The following MBP variants were observed in gnomAD, a reference collection of about 807,000 sequenced individuals.
MBP encodes the protein Golli-MBP.
Under a neutral mutation model 35.8 loss-of-function variants are expected in MBP, and 16 were observed. The observed-to-expected ratio is 0.45, with a 90% confidence interval of 0.30 to 0.68. The LOEUF (loss-of-function observed/expected upper bound fraction) is 0.68, where lower values mean the gene tolerates loss of function less well. Ranked by LOEUF, MBP falls within the 30% of genes least tolerant of loss-of-function variation. The pLI, the probability that MBP is intolerant of heterozygous loss-of-function variation, is 0.08. For missense variants in MBP, 380 were observed against 404.7 expected (o/e 0.94, Z 0.52); for synonymous variants, 143 against 159.6 (o/e 0.90, Z 0.78).
intron 4 of MBP, chr18:77,009,716 C>T (rs1971221369): frequency 6.5e-6 from 5 of 773,596 alleles, no homozygotes; most frequent in Admixed American, 5.8e-5. Flanking sequence ...CTTTCACGGC[C>T]TCACAGATGC....
intron 3 of MBP, among the ~76,000 whole-genome samples, chr18:77,035,319 G>A (rs1000010918): frequency 7.9e-5 from 12 of 152,324 alleles, no homozygotes; most frequent in Non-Finnish European, 1.3e-4. Flanking sequence ...ACCACTGTAC[G>A]CCCTTTGGAA....
chr18:77,061,112 G>A lies in MBP; in HGVS notation c.139+5186C>T, dbSNP rs1973960372. On this transcript the variant is annotated intron_variant, in intron 3 of 8. Transcript: ENST00000355994. The stretch of plus-strand genomic sequence containing the variant: ...TAATTCTGTCTGTGGATCATAGCAG[G>A]TCCTCTGATGGCTAGACACAGGGAT... Among the ~76,000 whole-genome samples, 3 of 151,664 alleles carry A rather than the reference G, an allele frequency of 2.0e-5. No individual in the cohort carries two copies. The South Asian group carries it at 6.3e-4, about 32-fold the overall frequency.
In MBP at chr18:77,016,881, C is replaced by G; in HGVS notation, c.527G>C (p.Gly176Ala). 2 of 1,614,244 alleles carry G rather than the reference C, an allele frequency of 1.2e-6. No individual in the cohort carries two copies. The highest frequency in any genetic ancestry group is 1.7e-6 in the Non-Finnish European group (2 of 1,180,046). ...HRDTGILDSI[G>A]RFFGGDRGAP... ...ACCCCTGTCACCGCCAAAGAAGCGCCCGATGGAGTCAAGGATGCCCGTGTC... is the reference window on the plus strand; with the variant it reads ...ACCCCTGTCACCGCCAAAGAAGCGCGCGATGGAGTCAAGGATGCCCGTGTC... The change falls in exon 4 of 9, where the codon GGG becomes GCG. Residue 176 changes from glycine to alanine, a missense_variant. By Grantham distance (60) the Gly-to-Ala change is moderately conservative. Coordinates refer to ENST00000355994, the MANE Select transcript of MBP (RefSeq NM_001025101.2).
intron 4 of MBP, among the ~76,000 whole-genome samples, chr18:76,998,254 C>A (rs2123253563): frequency 6.6e-6 from 1 of 152,352 alleles, no homozygotes; most frequent in Admixed American, 6.5e-5. Flanking sequence ...ATGGAGCCTG[C>A]AGCGTCTGTT....
intron 4 of MBP, chr18:77,015,036 T>C (rs1971550877): frequency 2.0e-6 from 2 of 981,764 alleles, no homozygotes; most frequent in African/African-American, 3.5e-5. Flanking sequence ...GAATGTTTTC[T>C]TTGAAAATAT....
chr18:77,037,155 A>G (rs12456333), intron 3 of MBP, among the ~76,000 whole-genome samples: 53,917 of 139,918 alleles, frequency 0.39, 11,217 homozygotes, highest in Middle Eastern at 0.49. Flanking sequence ...TGCTGATCAC[A>G]TTTTGGAGAC....
intron 3 of MBP, among the ~76,000 whole-genome samples, chr18:77,033,672 C>T (rs1347290223): frequency 1.3e-5 from 2 of 151,886 alleles, no homozygotes; most frequent in Middle Eastern, 3.2e-3. Flanking sequence ...TCTACTCATC[C>T]ATCCATATAT....
At chr18:77,050,071 T>C (rs1432738476) in intron 3 of MBP, among the ~76,000 whole-genome samples, 5 of 152,162 alleles carry the variant, frequency 3.3e-5, no homozygotes, top group Admixed American at 3.3e-4. Flanking sequence ...GTAGAGTTTG[T>C]CATTGCTGAC....
intron 4 of MBP, chr18:77,013,544 C>G: frequency 2.0e-6 from 2 of 985,416 alleles, no homozygotes; most frequent in South Asian, 4.7e-5. Flanking sequence ...ATTTACAGGA[C>G]TGATTATATC....
chr18:77,000,342 C>T (rs1399677451), intron 4 of MBP, among the ~76,000 whole-genome samples: 1 of 152,180 alleles, frequency 6.6e-6, no homozygotes, highest in Non-Finnish European at 1.5e-5. Context: ...TCATACTAGA[C>T]ACACTGTTTT....
At chr18:77,047,752 G>C (rs1222148973) in intron 3 of MBP, among the ~76,000 whole-genome samples, 1 of 152,198 alleles carries the variant, frequency 6.6e-6, no homozygotes, top group Non-Finnish European at 1.5e-5. Context: ...AGAAGATAAA[G>C]ATGGTATACT....
In MBP at chr18:76,988,675, G is replaced by A. The variant is rs976256019; in HGVS notation, c.718-148C>T. The stretch of plus-strand genomic sequence containing the variant: ...GCTCCGAGGGGGGCCGCAGGCTCAG[G>A]GCCACAGCGGCTGTGCAGGTGCGGG... On this transcript the variant is annotated intron_variant, in intron 6 of 8. Transcript: ENST00000355994. This position sits in a 1 kb window ranked among gnomAD's most constrained non-coding sequence, Gnocchi z 5.2. 1.6e-4 allele frequency: 236 copies of A among 1,446,428 alleles called. No homozygotes were observed. The highest frequency in any genetic ancestry group is 2.0e-4 in the Non-Finnish European group (219 of 1,077,836). The allele number at this position is 1,446,428 out of a possible 1,614,324, so 89.6% of individuals were successfully genotyped here.
At chr18:77,002,903 T>G (rs1373562609) in intron 4 of MBP, 1 of 152,240 alleles carries the variant, frequency 6.6e-6, no homozygotes. Context: ...TGTAGTAAGT[T>G]ATGAAGCTAT....
At chr18:77,048,112 C>T (rs1408538860) in intron 3 of MBP, among the ~76,000 whole-genome samples, 1 of 152,180 alleles carries the variant, frequency 6.6e-6, no homozygotes, top group Non-Finnish European at 1.5e-5. Flanking sequence ...TCGTTTGACG[C>T]CCTTTTAATC....
intron 1 of MBP, among the ~76,000 whole-genome samples, chr18:77,126,763 TAA>T (rs1176493269): frequency 2.0e-5 from 3 of 152,188 alleles, no homozygotes; most frequent in African/African-American, 7.2e-5. Context: ...AAACTGAAGT[TAA>T]GACACAATGC....
At chr18:77,130,224 T>C (rs1018816117) in intron 1 of MBP, among the ~76,000 whole-genome samples, 19 of 151,968 alleles carry the variant, frequency 1.3e-4, no homozygotes, top group African/African-American at 3.1e-4. Flanking sequence ...TCACTCATCA[T>C]TGGGGTGGAA....
rs902437056 is a variant in MBP, at chr18:77,102,861, G to A, written c.51+2350C>T. Among the ~76,000 whole-genome samples, 3 of 152,100 alleles carry A rather than the reference G, an allele frequency of 2.0e-5. No homozygotes were observed. Among genetic ancestry groups the A allele is most frequent in the African/African-American group, 7.2e-5 (3 of 41,404 alleles). On this transcript the variant is annotated intron_variant, in intron 2 of 8. Transcript: ENST00000355994. The surrounding 1 kb of genome is among the most constrained non-coding windows in gnomAD (Gnocchi z 4.4). ...CTTTAGGTGAAACTTAATCCTCCTG[G>A]TGCAGATACTGTATCCAAGCCATGT...
intron 3 of MBP, among the ~76,000 whole-genome samples, chr18:77,052,365 C>T (rs1341703116): frequency 6.6e-6 from 1 of 152,174 alleles, no homozygotes; most frequent in Non-Finnish European, 1.5e-5. Context: ...GATGGGGGCA[C>T]CTGTGAGCAG....
chr18:77,084,522 A>G (rs1252203490), intron 2 of MBP, among the ~76,000 whole-genome samples: 1 of 149,596 alleles, frequency 6.7e-6, no homozygotes, highest in African/African-American at 2.5e-5. Flanking sequence ...TCCAGCTGGC[A>G]CCGCCCTTGC....
Sources: allele counts gnomAD v4.1 joint callset (sites outside exome capture counted in the v4.1 genomes callset), GRCh38; gene constraint gnomAD v4.1.1; non-coding constraint Gnocchi (gnomAD v3.1); transcripts MANE v1.5; gene names NCBI Gene and HGNC (gene_info 2026-07-23, HGNC 2026-07-21).